DNAAF9: variants seen among roughly 807,000 people sequenced by gnomAD.
DNAAF9 encodes the protein dynein axonemal assembly factor 9, also known as shulin.
DNAAF9 carries 90 observed loss-of-function variants against 167.0 expected under a neutral mutation model. The ratio of observed to expected loss-of-function variants is 0.54; its 90% confidence interval spans 0.45 to 0.64. The LOEUF (loss-of-function observed/expected upper bound fraction) is 0.64, where lower values mean the gene tolerates loss of function less well. Ranked by LOEUF, DNAAF9 falls within the 30% of genes least tolerant of loss-of-function variation. DNAAF9 has a pLI of 0.00. For synonymous variants in DNAAF9, 491 were observed against 508.8 expected (o/e 0.96, Z 0.47); for missense variants, 1,315 against 1,442.2 (o/e 0.91, Z 1.43).
chr20:3,284,615 C>G (rs2068820156), intron 27 of DNAAF9, among the ~76,000 whole-genome samples: 1 of 152,164 alleles, frequency 6.6e-6, no homozygotes, highest in South Asian at 2.1e-4. Flanking sequence ...CCCAGCAGGA[C>G]CTTAACTTTC....
chr20:3,361,481 G>C (rs1311974099), intron 6 of DNAAF9, among the ~76,000 whole-genome samples: 1 of 152,178 alleles, frequency 6.6e-6, no homozygotes, highest in Non-Finnish European at 1.5e-5. Context: ...TTGTTGCAGG[G>C]AAAGTGGGAG....
chr20:3,332,149 G>A (rs562953859), intron 11 of DNAAF9, 131 bp downstream of exon 11: 2 of 610,680 alleles, frequency 3.3e-6, no homozygotes, highest in East Asian at 5.6e-5. Context: ...TAATCAGAGA[G>A]GGAGCTGGAG....
intron 14 of DNAAF9, among the ~76,000 whole-genome samples, chr20:3,323,037 G>A (rs896883994): frequency 5.3e-5 from 8 of 151,826 alleles, no homozygotes; most frequent in Admixed American, 2.0e-4. Flanking sequence ...CAGAGGCCAC[G>A]TCTCTGCAAC....
At chr20:3,371,412 C>T (rs1262096876) in intron 6 of DNAAF9, among the ~76,000 whole-genome samples, 1 of 139,728 alleles carries the variant, frequency 7.2e-6, no homozygotes, top group Non-Finnish European at 1.5e-5. Flanking sequence ...GGCGCTATCT[C>T]GGCTCACTGC....
intron 4 of DNAAF9, among the ~76,000 whole-genome samples, chr20:3,375,372 T>C (rs1211630793): frequency 2.0e-5 from 3 of 152,068 alleles, no homozygotes; most frequent in Non-Finnish European, 4.4e-5. Context: ...GAGATAACAC[T>C]TTTCCCCCAA....
At chr20:3,263,383 A>G (rs1187885569) in intron 31 of DNAAF9, among the ~76,000 whole-genome samples, 1 of 152,284 alleles carries the variant, frequency 6.6e-6, no homozygotes, top group South Asian at 2.1e-4. Context: ...CCAAATAAAC[A>G]TGAGAGATTA....
At chr20:3,361,529 G>A (rs1327792412) in intron 6 of DNAAF9, among the ~76,000 whole-genome samples, 2 of 152,162 alleles carry the variant, frequency 1.3e-5, no homozygotes, top group Non-Finnish European at 2.9e-5. Context: ...ACCCCAGGCC[G>A]TGTAATCAGC....
intron 6 of DNAAF9, among the ~76,000 whole-genome samples, chr20:3,363,122 G>C (rs199509168): frequency 6.6e-6 from 1 of 150,578 alleles, no homozygotes; most frequent in South Asian, 2.1e-4. Context: ...CCAGCTACTC[G>C]GGAGGCTGAG....
At chr20:3,363,465 AAAAAAATAAAAACT>A (rs1432700813) in intron 6 of DNAAF9, among the ~76,000 whole-genome samples, 6 of 152,132 alleles carry the variant, frequency 3.9e-5, no homozygotes, top group Admixed American at 2.0e-4. Context: ...CTCCGTCTCA[AAAAAAATAAAAACT>A]AAAAAATAAA....
At chr20:3,352,793 T>C (rs1159433912) in intron 7 of DNAAF9, among the ~76,000 whole-genome samples, 1 of 151,724 alleles carries the variant, frequency 6.6e-6, no homozygotes, top group Non-Finnish European at 1.5e-5. Flanking sequence ...AAGATGGTAA[T>C]TGCAATGGAT....
At position 3,294,631 on chromosome 20, in the gene DNAAF9, T is replaced by C; in HGVS notation, c.2019-2A>G. 1.3e-6 allele frequency: 2 copies of C among 1,592,628 alleles called. No homozygotes were observed. The highest frequency in any genetic ancestry group is 1.7e-6 in the Non-Finnish European group (2 of 1,160,600). The stretch of plus-strand genomic sequence containing the variant: ...AAGAGCTTCTGTGCACTGGAGTGCC[T>C]GGAATAACAAAAGCTCACAGATTAG... On this transcript the variant is annotated splice_acceptor_variant, in intron 23 of 36. Transcript: ENST00000252032. LOFTEE classifies it high-confidence loss of function.
intron 6 of DNAAF9, among the ~76,000 whole-genome samples, chr20:3,372,428 C>T (rs1217373582): frequency 2.6e-5 from 4 of 152,196 alleles, no homozygotes; most frequent in Admixed American, 2.0e-4. Flanking sequence ...AGTAACTCTT[C>T]CTTTATGATG....
chr20:3,367,682 G>A (rs1000776778), intron 6 of DNAAF9, among the ~76,000 whole-genome samples: 4 of 152,218 alleles, frequency 2.6e-5, no homozygotes, highest in African/African-American at 9.6e-5. Context: ...CATCATTTAA[G>A]TTCATCATCT....
rs1600773018 is a variant in DNAAF9, at chr20:3,318,376, G to A, written c.1381C>T (p.Pro461Ser). 1 of 1,599,216 alleles carries A rather than the reference G, an allele frequency of 6.3e-7. No individual in the cohort carries two copies. The highest frequency in any genetic ancestry group is 8.6e-7 in the Non-Finnish European group (1 of 1,166,672). ...KTACMAVYDI[P>S]DLLGGNGCLG... Reference sequence around the variant, plus strand: ...CAACCATTGCCTCCCAGTAAGTCAGGAATGTCATAGACGGCCATACAAGCC... The same window carrying A: ...CAACCATTGCCTCCCAGTAAGTCAGAAATGTCATAGACGGCCATACAAGCC... The change falls in exon 17 of 37, where the codon CCT becomes TCT. Residue 461 changes from proline to serine, a missense_variant. By Grantham distance (74) the Pro-to-Ser change is moderately conservative. This residue lies in a region of DNAAF9 where 981 missense variants were observed against 1,012.5 expected (regional missense o/e 0.97). Coordinates refer to ENST00000252032, the MANE Select transcript of DNAAF9 (RefSeq NM_001009984.3).
At chr20:3,384,435 A>T (rs188241839) in intron 1 of DNAAF9, 1 of 152,100 alleles carries the variant, frequency 6.6e-6, no homozygotes, top group Non-Finnish European at 1.5e-5. Flanking sequence ...ACACTATCTG[A>T]GTGTTTCCTC....
intron 1 of DNAAF9, among the ~76,000 whole-genome samples, chr20:3,404,188 C>T (rs923774978): frequency 6.6e-6 from 1 of 152,180 alleles, no homozygotes; most frequent in Admixed American, 6.5e-5. Context: ...TGCCACCATG[C>T]CCAGCTAATT....
At chr20:3,343,757 A>C in intron 8 of DNAAF9, 26 bp from the exon 9 acceptor site, 1 of 1,573,606 alleles carries the variant, frequency 6.4e-7, no homozygotes, top group Non-Finnish European at 8.7e-7. Flanking sequence ...CATTGTATAT[A>C]TTAAGAACAC....
At chr20:3,354,793 T>C (rs899309681) in intron 7 of DNAAF9, among the ~76,000 whole-genome samples, 1 of 152,200 alleles carries the variant, frequency 6.6e-6, no homozygotes, top group African/African-American at 2.4e-5. Context: ...CTCTTCAGGA[T>C]GGATGAGAAG....
At chr20:3,406,133 CAT>C (rs1174187532) in intron 1 of DNAAF9, among the ~76,000 whole-genome samples, 1 of 152,108 alleles carries the variant, frequency 6.6e-6, no homozygotes, top group African/African-American at 2.4e-5. Context: ...GTTCAACAAA[CAT>C]ATACTGGATT....
Sources: gnomAD v4.1 joint callset for allele counts (sites outside exome capture counted in the v4.1 genomes callset) on GRCh38, gnomAD v4.1.1 for gene constraint, gnomAD v4.1.1 regional missense constraint, MANE v1.5 for transcripts, NCBI Gene and HGNC (gene_info 2026-07-23, HGNC 2026-07-21) for gene names.